The following SEMA3E variants were observed in gnomAD, a reference collection of about 807,000 sequenced individuals.
The protein encoded by SEMA3E is semaphorin 3E.
In SEMA3E, 49 loss-of-function variants were observed where a neutral mutation model predicts 93.6. The ratio of observed to expected loss-of-function variants is 0.52; its 90% CI spans 0.42 to 0.66. The LOEUF (loss-of-function observed/expected upper bound fraction) is 0.66. Among genes scored for constraint, SEMA3E ranks in the 30% least tolerant of loss-of-function variants. The probability of loss-of-function intolerance (pLI) is 0.00; values close to 1 mark genes in which losing one functional copy is unlikely to be tolerated. For synonymous variants in SEMA3E, 363 were observed against 330.7 expected (o/e 1.10, Z -1.06); for missense variants, 906 against 964.8 (o/e 0.94, Z 0.81).
intron 4 of SEMA3E, among the ~76,000 whole-genome samples, chr7:83,433,898 A>AT (rs1301135482): frequency 6.6e-6 from 1 of 152,130 alleles, no homozygotes; most frequent in Admixed American, 6.5e-5. Context: ...ATATACGATG[A>AT]TCCCAATCAA....
intron 1 of SEMA3E, among the ~76,000 whole-genome samples, chr7:83,626,544 G>C (rs1177509953): frequency 6.6e-6 from 1 of 152,122 alleles, no homozygotes; most frequent in African/African-American, 2.4e-5. Flanking sequence ...TGTAAGATCA[G>C]CAGTGATATC....
At chr7:83,534,430 C>A (rs1277751970) in intron 1 of SEMA3E, among the ~76,000 whole-genome samples, 4 of 152,008 alleles carry the variant, frequency 2.6e-5, no homozygotes, top group African/African-American at 9.7e-5. Flanking sequence ...TACTTTTTAT[C>A]TTTTCATTTA....
intron 15 of SEMA3E, 95 bp downstream of exon 15, chr7:83,386,887 AT>A: frequency 9.3e-7 from 1 of 1,078,482 alleles, no homozygotes. Context: ...GTATACATGA[AT>A]CACAAAGAAA....
At chr7:83,533,814 G>GTGGC (rs1562822286) in intron 1 of SEMA3E, among the ~76,000 whole-genome samples, 1 of 152,054 alleles carries the variant, frequency 6.6e-6, no homozygotes, top group African/African-American at 2.4e-5. Context: ...ATTTGGAATT[G>GTGGC]TGGCTGGCTG....
chr7:83,527,688 TA>T (rs930586575), intron 1 of SEMA3E, among the ~76,000 whole-genome samples: 4 of 152,164 alleles, frequency 2.6e-5, no homozygotes, highest in African/African-American at 9.7e-5. Flanking sequence ...TCATAATTGG[TA>T]GCAAAGACTT....
chr7:83,535,806 T>G (rs1444750394), intron 1 of SEMA3E, among the ~76,000 whole-genome samples: 1 of 152,042 alleles, frequency 6.6e-6, no homozygotes, highest in Non-Finnish European at 1.5e-5. Flanking sequence ...TTGTAAATAG[T>G]TTATAAAAAA....
intron 1 of SEMA3E, among the ~76,000 whole-genome samples, chr7:83,544,700 A>G (rs1791609687): frequency 6.6e-6 from 1 of 152,152 alleles, no homozygotes; most frequent in Non-Finnish European, 1.5e-5. Flanking sequence ...GCCTATAAAC[A>G]GGTAGAGGTG....
In SEMA3E at chr7:83,619,219, C is replaced by T. The variant is rs115860921; in HGVS notation, c.115+29209G>A. ...GTAGTTATTATAATTTTATATTTTCCGGCCATTTTTCTAACATACAGAAAA... is the reference window on the plus strand; with the variant it reads ...GTAGTTATTATAATTTTATATTTTCTGGCCATTTTTCTAACATACAGAAAA... On this transcript the variant is annotated intron_variant, in intron 1 of 16. Transcript: ENST00000643230. 8.7e-3 allele frequency among the ~76,000 whole-genome samples: 1,323 copies of T among 151,286 alleles called. 17 individuals are homozygous for T. The highest frequency in any genetic ancestry group is 0.031 in the African/African-American group (1,272 of 41,346).
chr7:83,387,838 CGTT>C (rs1562756813), intron 14 of SEMA3E, among the ~76,000 whole-genome samples: 4 of 135,642 alleles, frequency 2.9e-5, no homozygotes, highest in Non-Finnish European at 4.7e-5. Context: ...ATATATATAA[CGTT>C]ATATATATGT....
At chr7:83,438,915 C>A (rs1325877845) in intron 4 of SEMA3E, among the ~76,000 whole-genome samples, 1 of 152,162 alleles carries the variant, frequency 6.6e-6, no homozygotes, top group Non-Finnish European at 1.5e-5. Flanking sequence ...TCCAAGTTAA[C>A]TTTAAGATAT....
At chr7:83,456,622 A>ATTTATCTATTTATTTATTTAT (rs10667838) in intron 4 of SEMA3E, among the ~76,000 whole-genome samples, 1 of 145,552 alleles carries the variant, frequency 6.9e-6, no homozygotes, top group African/African-American at 2.5e-5. Flanking sequence ...TTATTTATTT[A>ATTTATCTATTTATTTATTTAT]TTATTTTTGA....
intron 1 of SEMA3E, among the ~76,000 whole-genome samples, chr7:83,563,815 A>G (rs961579789): frequency 2.6e-5 from 4 of 152,156 alleles, no homozygotes; most frequent in Non-Finnish European, 5.9e-5. Context: ...GACTCTTTCC[A>G]TTAATCTTCC....
chr7:83,424,200 G>C (rs926639854), intron 4 of SEMA3E, among the ~76,000 whole-genome samples: 1 of 152,056 alleles, frequency 6.6e-6, no homozygotes, highest in African/African-American at 2.4e-5. Context: ...TGTAGTTTGG[G>C]ATACTTCTCA....
At position 83,425,476 on chromosome 7, in the gene SEMA3E, A is replaced by G. The variant is rs73707831; in HGVS notation, c.457-6993T>C. Among the ~76,000 whole-genome samples the G allele has an allele frequency of 3.5e-3, 539 of 152,260 alleles. 4 individuals are homozygous for G. The highest frequency in any genetic ancestry group is 0.012 in the African/African-American group (511 of 41,552). ...CCTGAACAGTCTCTGAGTCCCAGCC[A>G]TCAATTCTGTACTCTGCTGCAAAGA... On this transcript the variant is annotated intron_variant, in intron 4 of 16. Transcript: ENST00000643230.
intron 1 of SEMA3E, among the ~76,000 whole-genome samples, chr7:83,534,560 C>G (rs9642162): frequency 0.35 from 52,633 of 151,810 alleles, 10,779 homozygotes; most frequent in Non-Finnish European, 0.43. Flanking sequence ...GATTTCACAC[C>G]CCATTAAATG....
intron 5 of SEMA3E, among the ~76,000 whole-genome samples, chr7:83,414,417 T>C (rs941212039): frequency 2.0e-5 from 3 of 152,020 alleles, no homozygotes; most frequent in Non-Finnish European, 4.4e-5. Flanking sequence ...CTAACTCCCA[T>C]TCATTCAATT....
Position 83,408,419 on chromosome 7 carries a change from C to A in SEMA3E, c.619G>T (p.Gly207Trp). 1 of 1,613,796 alleles carries A rather than the reference C, an allele frequency of 6.2e-7. No homozygotes were observed. The highest frequency in any genetic ancestry group is 8.5e-7 in the Non-Finnish European group (1 of 1,179,854). Residue 207 changes from glycine (G) to tryptophan (W), a missense_variant, in exon 6 of 17, where the codon GGG becomes TGG. Coordinates refer to ENST00000643230, the MANE Select transcript of SEMA3E (RefSeq NM_012431.3). Reference protein sequence around the residue: ...SRDAAIFRSMGRLAHIRTEHD... With the variant: ...SRDAAIFRSMWRLAHIRTEHD... ...TCAGTGCGGATATGGGCCAGTCGCC[C>A]CATGCTGCGGAAGATCGCAGCGTCT... is the stretch of plus-strand genomic sequence containing the variant.
chr7:83,432,627 T>C (rs1788912453), intron 4 of SEMA3E, among the ~76,000 whole-genome samples: 2 of 152,148 alleles, frequency 1.3e-5, no homozygotes, highest in African/African-American at 4.8e-5. Context: ...ATACACAAAA[T>C]TGACATAGGT....
intron 1 of SEMA3E, among the ~76,000 whole-genome samples, chr7:83,492,490 G>A (rs1473902412): frequency 6.6e-6 from 1 of 151,886 alleles, no homozygotes; most frequent in Non-Finnish European, 1.5e-5. Context: ...GTAAATAATA[G>A]TAGAAACTAA....
Sources: allele counts gnomAD v4.1 joint callset (sites outside exome capture counted in the v4.1 genomes callset), GRCh38; gene constraint gnomAD v4.1.1; transcripts MANE v1.5; gene names NCBI Gene and HGNC (gene_info 2026-07-23, HGNC 2026-07-21).